Variants in SH3BGRL2 observed in about 807,000 individuals in gnomAD.
SH3BGRL2 encodes SH3 domain binding glutamate rich protein like 2.
Under a neutral mutation model 14.8 loss-of-function variants are expected in SH3BGRL2, and 21 were observed. The ratio of observed to expected loss-of-function variants is 1.42; its 90% CI spans 1.01 to 2.05. SH3BGRL2 has a LOEUF of 2.05. Among genes scored for constraint, SH3BGRL2 ranks in the 30% most tolerant of loss-of-function variants. SH3BGRL2 has a pLI of 0.00. For synonymous variants in SH3BGRL2, 50 were observed against 47.8 expected, an observed-to-expected ratio of 1.05 and a Z score of -0.19; for missense variants, 147 against 130.8, an observed-to-expected ratio of 1.12 and a Z score of -0.61.
the SH3BGRL2 span, among the ~76,000 whole-genome samples, chr6:79,550,062 A>G: frequency 4.6e-5 from 7 of 152,210 alleles, no homozygotes; most frequent in African/African-American, 1.7e-4. Flanking sequence ...GACCAAAAAA[A>G]TGTTTCTTGT....
chr6:79,603,744 G>A, the SH3BGRL2 span, among the ~76,000 whole-genome samples: 20 of 152,112 alleles, frequency 1.3e-4, no homozygotes, highest in Non-Finnish European at 2.6e-4. Context: ...TTTCAACTAC[G>A]ACAAGCAAGA....
At chr6:79,587,902 G>A in the SH3BGRL2 span, among the ~76,000 whole-genome samples, 2 of 152,208 alleles carry the variant, frequency 1.3e-5, no homozygotes, top group African/African-American at 4.8e-5. Context: ...TGGGTTGAGT[G>A]TGGTGGCTCA....
At chr6:79,555,300 A>T in the SH3BGRL2 span, among the ~76,000 whole-genome samples, 3 of 152,024 alleles carry the variant, frequency 2.0e-5, no homozygotes, top group East Asian at 5.8e-4. Flanking sequence ...AAATTCAAAA[A>T]TTAGCTGGGC....
chr6:79,615,868 T>A, the SH3BGRL2 span, among the ~76,000 whole-genome samples: 2 of 148,658 alleles, frequency 1.3e-5, no homozygotes, highest in Non-Finnish European at 3.0e-5. Flanking sequence ...GTTTTGCTAT[T>A]GTTGCCCAGG....
chr6:79,680,389 AC>A (rs1769965782), intron 2 of SH3BGRL2, among the ~76,000 whole-genome samples: 1 of 152,262 alleles, frequency 6.6e-6, no homozygotes, highest in South Asian at 2.1e-4. Context: ...ATTTGACCAT[AC>A]ACAGAAGGGT....
the SH3BGRL2 span, among the ~76,000 whole-genome samples, chr6:79,538,163 C>T: frequency 6.7e-6 from 1 of 149,992 alleles, no homozygotes; most frequent in Non-Finnish European, 1.5e-5. Flanking sequence ...AAAAAAAATC[C>T]TCTTTCGTGA....
intron 2 of SH3BGRL2, among the ~76,000 whole-genome samples, chr6:79,695,444 A>G (rs1464614355): frequency 6.6e-6 from 1 of 152,210 alleles, no homozygotes; most frequent in Non-Finnish European, 1.5e-5. Context: ...ACAAGTCTAG[A>G]TGCCGTTGGC....
chr6:79,695,404 C>T (rs537047126), intron 2 of SH3BGRL2, among the ~76,000 whole-genome samples: 1 of 152,306 alleles, frequency 6.6e-6, no homozygotes, highest in South Asian at 2.1e-4. Flanking sequence ...TTTAATCAGA[C>T]AAGGCATGCG....
At chr6:79,682,183 A>G (rs1770001040) in intron 2 of SH3BGRL2, among the ~76,000 whole-genome samples, 1 of 152,218 alleles carries the variant, frequency 6.6e-6, no homozygotes, top group Admixed American at 6.5e-5. Flanking sequence ...ACTAAAATCA[A>G]TATGCAAGTA....
the SH3BGRL2 span, among the ~76,000 whole-genome samples, chr6:79,565,509 G>C: frequency 7.2e-6 from 1 of 139,680 alleles, no homozygotes; most frequent in Non-Finnish European, 1.5e-5. Flanking sequence ...GAGAATTGGA[G>C]CACAACTTTA....
At chr6:79,649,835 G>A (rs1287604848) in intron 1 of SH3BGRL2, among the ~76,000 whole-genome samples, 2 of 152,110 alleles carry the variant, frequency 1.3e-5, no homozygotes, top group Non-Finnish European at 2.9e-5. Context: ...TAGAGGCTTT[G>A]TTTTGTCACC....
chr6:79,555,997 C>T, the SH3BGRL2 span, among the ~76,000 whole-genome samples: 1 of 152,032 alleles, frequency 6.6e-6, no homozygotes, highest in Non-Finnish European at 1.5e-5. Context: ...TGGGACATGT[C>T]GTGGGCTTAG....
chr6:79,656,673 G>A (rs1023294758), intron 1 of SH3BGRL2, among the ~76,000 whole-genome samples: 1 of 152,116 alleles, frequency 6.6e-6, no homozygotes, highest in African/African-American at 2.4e-5. Context: ...TATTTACATA[G>A]CATTCACATT....
intron 2 of SH3BGRL2, among the ~76,000 whole-genome samples, chr6:79,675,050 A>G (rs1769853473): frequency 6.6e-6 from 1 of 152,182 alleles, no homozygotes; most frequent in Non-Finnish European, 1.5e-5. Flanking sequence ...TACCAAGGAT[A>G]TAAAATGTAC....
intron 1 of SH3BGRL2, among the ~76,000 whole-genome samples, chr6:79,649,001 G>A (rs545852404): frequency 1.3e-5 from 2 of 152,180 alleles, no homozygotes; most frequent in Admixed American, 6.6e-5. Flanking sequence ...GCCACTGAGA[G>A]GTGATTAGCT....
At chr6:79,659,797 T>C (rs1294620526) in intron 1 of SH3BGRL2, among the ~76,000 whole-genome samples, 1 of 152,232 alleles carries the variant, frequency 6.6e-6, no homozygotes, top group African/African-American at 2.4e-5. Flanking sequence ...CATTTGTTTC[T>C]GTCCTCTCTT....
At chr6:79,692,046 G>T (rs370762612) in intron 2 of SH3BGRL2, among the ~76,000 whole-genome samples, 13 of 152,090 alleles carry the variant, frequency 8.5e-5, no homozygotes, top group East Asian at 1.9e-4. Flanking sequence ...ATGATCACCA[G>T]TCTAACTGGT....
At chr6:79,665,887 T>G (rs780110253) in intron 1 of SH3BGRL2, among the ~76,000 whole-genome samples, 6 of 152,230 alleles carry the variant, frequency 3.9e-5, no homozygotes, top group Non-Finnish European at 7.3e-5. Flanking sequence ...TATCCTTGGC[T>G]TGGTAATCTG....
the SH3BGRL2 span, among the ~76,000 whole-genome samples, chr6:79,592,633 A>T: frequency 6.6e-6 from 1 of 152,200 alleles, no homozygotes; most frequent in Non-Finnish European, 1.5e-5. Context: ...AAGATTTCTC[A>T]TTTGCTTGAG....
Sources: gnomAD v4.1 joint callset for allele counts (sites outside exome capture counted in the v4.1 genomes callset) on GRCh38, gnomAD v4.1.1 for gene constraint, MANE v1.5 for transcripts, NCBI Gene and HGNC (gene_info 2026-07-23, HGNC 2026-07-21) for gene names.